MYO16: variants seen among roughly 807,000 people sequenced by gnomAD.
MYO16 encodes unconventional myosin-XVI.
Under a neutral mutation model 205.3 loss-of-function variants are expected in MYO16, and 94 were observed. The ratio of observed to expected loss-of-function variants is 0.46; its 90% CI spans 0.39 to 0.54. The LOEUF (loss-of-function observed/expected upper bound fraction) is 0.54. MYO16 is among the 20% of genes least tolerant of loss of function. The probability of loss-of-function intolerance (pLI) is 0.00; values close to 1 mark genes in which losing one functional copy is unlikely to be tolerated. For missense variants in MYO16, 2,315 were observed against 2,387.5 expected, an observed-to-expected ratio of 0.97 and a Z score of 0.63; for synonymous variants, 988 against 954.0, an observed-to-expected ratio of 1.04 and a Z score of -0.66.
chr13:109,053,595 C>T (rs372556010), intron 25 of MYO16, among the ~76,000 whole-genome samples: 1 of 152,042 alleles, frequency 6.6e-6, no homozygotes, highest in South Asian at 2.1e-4. Flanking sequence ...CATTACGAAG[C>T]CTAGGTGCCA....
chr13:109,056,491 G>C (rs1258513385), intron 27 of MYO16, among the ~76,000 whole-genome samples: 1 of 152,168 alleles, frequency 6.6e-6, no homozygotes, highest in Admixed American at 6.5e-5. Context: ...TTAATTTACA[G>C]ATATATGCTA....
intron 27 of MYO16, among the ~76,000 whole-genome samples, chr13:109,063,886 C>T (rs765654579): frequency 2.0e-5 from 3 of 152,110 alleles, no homozygotes; most frequent in Non-Finnish European, 4.4e-5. Context: ...TACCTTGTTT[C>T]CTTCACTGCT....
chr13:109,069,125 C>T (rs539037585), intron 27 of MYO16, among the ~76,000 whole-genome samples: 2 of 152,242 alleles, frequency 1.3e-5, no homozygotes, highest in African/African-American at 4.8e-5. Context: ...ATCCCAATAG[C>T]CTCGATATCC....
the MYO16 span, among the ~76,000 whole-genome samples, chr13:108,536,531 A>G: frequency 6.6e-6 from 1 of 152,148 alleles, no homozygotes; most frequent in East Asian, 1.9e-4. Flanking sequence ...AACCTTGGAC[A>G]AGTTACATAA....
At chr13:108,722,250 A>T (rs1274444898) in intron 3 of MYO16, among the ~76,000 whole-genome samples, 1 of 152,160 alleles carries the variant, frequency 6.6e-6, no homozygotes, top group African/African-American at 2.4e-5. Flanking sequence ...TTGGTGCCAT[A>T]AAGTGTCACC....
chr13:109,033,529 A>G (rs1234115502), intron 23 of MYO16, among the ~76,000 whole-genome samples: 2 of 152,210 alleles, frequency 1.3e-5, no homozygotes, highest in Non-Finnish European at 2.9e-5. Context: ...GCTGTCAGCA[A>G]CAAGACAGAG....
At chr13:108,778,548 G>A (rs766278033) in intron 4 of MYO16, among the ~76,000 whole-genome samples, 2 of 152,216 alleles carry the variant, frequency 1.3e-5, no homozygotes, top group Non-Finnish European at 2.9e-5. Context: ...GAACCCGGGA[G>A]GCGAAGGTTG....
At chr13:109,023,483 T>C (rs1338067897) in intron 23 of MYO16, among the ~76,000 whole-genome samples, 1 of 110,856 alleles carries the variant, frequency 9.0e-6, no homozygotes, top group Non-Finnish European at 1.7e-5. Context: ...GATATAAATA[T>C]ATATTTATAT....
At position 108,848,690 on chromosome 13, in the gene MYO16, C is replaced by T. The variant is rs1016539337; in HGVS notation, c.1248+4197C>T. Among the ~76,000 whole-genome samples, 13 of 152,004 alleles carry T rather than the reference C, an allele frequency of 8.6e-5. No individual in the cohort carries two copies. The South Asian group carries it at 1.0e-3, about 12-fold the overall frequency. On this transcript the variant is annotated intron_variant, in intron 10 of 34. Coordinates refer to ENST00000457511, the MANE Select transcript of MYO16 (RefSeq NM_001198950.3). ...TGGCGCAGGGCCTGGTGGCACACAC[C>T]GGTGGTCCCACCAACTCAAGAGACT...
rs768768732 is a variant in MYO16, at chr13:109,140,559, C to G, written c.4347C>G (p.Pro1449=). 2.6e-6 allele frequency: 4 copies of G among 1,540,280 alleles called. No homozygotes were observed. In the Admixed American group the frequency reaches 7.7e-5, roughly 30 times the overall value. Reference sequence around the variant, plus strand: ...CGGCCAGGCCCGATAGCCCGGACCCCGGGGAGTCCGTGTACGAGGAGATGA... The same window carrying G: ...CGGCCAGGCCCGATAGCCCGGACCCGGGGGAGTCCGTGTACGAGGAGATGA... ...GHAARPDSPD[P]GESVYEEMKC... The change falls in exon 32 of 35, where the codon CCC becomes CCG. Residue 1449 remains proline (P), a synonymous_variant. Transcript: ENST00000457511. This position sits in a 1 kb window ranked among gnomAD's most constrained non-coding sequence, Gnocchi z 8.0.
chr13:108,707,338 A>G (rs904228370), intron 2 of MYO16, among the ~76,000 whole-genome samples: 6 of 152,212 alleles, frequency 3.9e-5, no homozygotes, highest in African/African-American at 1.2e-4. Flanking sequence ...GGATCAATCA[A>G]TGACGTCAAG....
chr13:108,519,910 GT>G, the MYO16 span, among the ~76,000 whole-genome samples: 1 of 152,088 alleles, frequency 6.6e-6, no homozygotes. Flanking sequence ...CTTGAATACT[GT>G]TCGTGTTTTA....
chr13:108,619,964 G>C (rs564590793), intron 1 of MYO16, among the ~76,000 whole-genome samples: 42 of 152,254 alleles, frequency 2.8e-4, no homozygotes, highest in Non-Finnish European at 4.6e-4. Flanking sequence ...CCTAGCAGGA[G>C]GGGTATTGCC....
chr13:109,203,437 T>TC (rs1491519720), intron 34 of MYO16, among the ~76,000 whole-genome samples: 1 of 151,830 alleles, frequency 6.6e-6, no homozygotes, highest in Non-Finnish European at 1.5e-5. Flanking sequence ...TTTTTTTTTT[T>TC]CTCTCAGTAA....
chr13:108,907,822 C>G (rs1419048055), intron 15 of MYO16, among the ~76,000 whole-genome samples: 1 of 152,134 alleles, frequency 6.6e-6, no homozygotes, highest in Admixed American at 6.6e-5. Flanking sequence ...CTGCTTCAAT[C>G]AGGGCTTGCA....
the MYO16 span, among the ~76,000 whole-genome samples, chr13:108,559,266 C>T: frequency 6.6e-6 from 1 of 151,894 alleles, no homozygotes; most frequent in Admixed American, 6.6e-5. Context: ...GAGGCAGAGA[C>T]TAGAGTGACA....
At chr13:109,045,957 G>A (rs192195535) in intron 23 of MYO16, among the ~76,000 whole-genome samples, 12 of 151,438 alleles carry the variant, frequency 7.9e-5, no homozygotes, top group East Asian at 3.9e-4. Flanking sequence ...CCGCATGGCC[G>A]AGGCACACTC....
chr13:108,876,969 A>C (rs1879359272), intron 12 of MYO16, among the ~76,000 whole-genome samples: 1 of 152,126 alleles, frequency 6.6e-6, no homozygotes, highest in Non-Finnish European at 1.5e-5. Flanking sequence ...CCCAGCCATT[A>C]ACTGTATTCT....
chr13:108,937,908 T>C (rs1381311984), intron 16 of MYO16, among the ~76,000 whole-genome samples: 2 of 152,202 alleles, frequency 1.3e-5, no homozygotes, highest in East Asian at 1.9e-4. Flanking sequence ...TTAGGGACCA[T>C]TGATGGAGAG....
Sources: gnomAD v4.1 joint callset for allele counts (sites outside exome capture counted in the v4.1 genomes callset) on GRCh38, gnomAD v4.1.1 for gene constraint, Gnocchi (gnomAD v3.1) non-coding constraint, MANE v1.5 for transcripts, NCBI Gene and HGNC (gene_info 2026-07-23, HGNC 2026-07-21) for gene names.